Variants in DOP1B observed in about 807,000 individuals in gnomAD.
DOP1B encodes the protein DOP1 leucine zipper like protein B, also known as protein DOP1B.
A neutral mutation model predicts 233.5 loss-of-function variants in DOP1B; 174 were observed. That is an observed-to-expected ratio of 0.75 (90% CI 0.66 to 0.85). DOP1B has a LOEUF of 0.85. Among genes scored for constraint, DOP1B ranks in the 40% least tolerant of loss-of-function variants. DOP1B has a pLI of 0.00. For missense variants in DOP1B, 2,652 were observed against 2,846.6 expected (o/e 0.93, Z 1.56); for synonymous variants, 1,190 against 1,185.6 (o/e 1.00, Z -0.08).
intron 7 of DOP1B, 58 bp from the exon 8 acceptor site, chr21:36,214,023 A>G (rs2066530546): frequency 2.2e-6 from 3 of 1,377,066 alleles, no homozygotes; most frequent in Non-Finnish European, 3.0e-6. Context: ...CTTTTGCACA[A>G]TATGATGTCC....
At chr21:36,179,111 A>G (rs993179561) in intron 2 of DOP1B, among the ~76,000 whole-genome samples, 1 of 152,232 alleles carries the variant, frequency 6.6e-6, no homozygotes. Flanking sequence ...CAGCAAAGCT[A>G]CTTCGAGAGT....
At chr21:36,265,455 C>T (rs542693897) in intron 26 of DOP1B, among the ~76,000 whole-genome samples, 2 of 152,266 alleles carry the variant, frequency 1.3e-5, no homozygotes, top group South Asian at 4.1e-4. Context: ...ATTCCAGTGC[C>T]TCCTCCTTTG....
chr21:36,189,429 A>T (rs2066204812), intron 2 of DOP1B, among the ~76,000 whole-genome samples: 2 of 152,236 alleles, frequency 1.3e-5, no homozygotes, highest in Non-Finnish European at 2.9e-5. Flanking sequence ...AAATTTTTTT[A>T]GCACTTTAAA....
At position 36,278,241 on chromosome 21, in the gene DOP1B, C is replaced by T. The variant is rs1200254390; in HGVS notation, c.5855C>T (p.Ala1952Val). The change falls in exon 30 of 37, where the codon GCT (alanine) becomes GTT (valine). Residue 1952 changes from alanine (A) to valine (V), a missense_variant. Coordinates refer to ENST00000691173, the MANE Select transcript of DOP1B (RefSeq NM_001320714.2). ...AYNAPSFRAGAQLLSSLSGYA... is the reference protein window; with the variant it reads ...AYNAPSFRAGVQLLSSLSGYA... ...AATGCTCCCAGCTTCCGGGCTGGCG[C>T]TCAGCTGCTGAGCTCCCTGAGTGGC... is the stretch of plus-strand genomic sequence containing the variant. 1.2e-6 allele frequency: 2 copies of T among 1,614,068 alleles called. No individual in the cohort carries two copies. The highest frequency in any genetic ancestry group is 1.3e-5 in the African/African-American group (1 of 74,944).
At chr21:36,281,882 C>G (rs1445601405) in intron 32 of DOP1B, among the ~76,000 whole-genome samples, 1 of 152,104 alleles carries the variant, frequency 6.6e-6, no homozygotes, top group Non-Finnish European at 1.5e-5. Context: ...GCCCCACTTC[C>G]CGATAACATT....
chr21:36,253,061 C>T (rs57199973), intron 22 of DOP1B, among the ~76,000 whole-genome samples: 4,239 of 152,260 alleles, frequency 0.028, 189 homozygotes, highest in African/African-American at 0.095. Flanking sequence ...GAGCGCCTGT[C>T]GGCTCCTTCC....
At chr21:36,222,400 G>A (rs1335291862) in intron 10 of DOP1B, among the ~76,000 whole-genome samples, 3 of 151,358 alleles carry the variant, frequency 2.0e-5, no homozygotes, top group Non-Finnish European at 4.4e-5. Context: ...CCAACATCAC[G>A]GTGAAACCCC....
At chr21:36,223,559 T>A (rs1208235972) in intron 11 of DOP1B, among the ~76,000 whole-genome samples, 1 of 152,226 alleles carries the variant, frequency 6.6e-6, no homozygotes, top group Non-Finnish European at 1.5e-5. Context: ...GTTCACATAA[T>A]CTTTGCCATG....
chr21:36,253,370 C>A (rs146101920), intron 22 of DOP1B, among the ~76,000 whole-genome samples: 2 of 152,158 alleles, frequency 1.3e-5, no homozygotes, highest in African/African-American at 4.8e-5. Context: ...TTATGTTGTT[C>A]CCCTGGGTGG....
chr21:36,204,233 C>T (rs1331021397), intron 4 of DOP1B, among the ~76,000 whole-genome samples: 1 of 152,166 alleles, frequency 6.6e-6, no homozygotes, highest in Non-Finnish European at 1.5e-5. Context: ...AAAGACTTAC[C>T]TGGTCCCAGA....
chr21:36,288,021 G>A lies in DOP1B; in HGVS notation c.6168G>A (p.Leu2056=). Residue 2056 remains leucine (L), a synonymous_variant, in exon 33 of 37, where the codon CTG becomes CTA. Transcript: ENST00000691173. ...ACAATCTTCTTTCCTTAGAACGCCT[G>A]ACAGACAATCTCAGAGTTGGACAGA... The part of the protein sequence containing the change: ...HLYLPLIQER[L]TDNLRVGQTS... The A allele has an allele frequency of 6.2e-7, 1 of 1,613,166 alleles. No individual in the cohort carries two copies. The highest frequency in any genetic ancestry group is 8.5e-7 in the Non-Finnish European group (1 of 1,179,852).
chr21:36,281,677 A>G (rs1472974331), intron 32 of DOP1B, 66 bp downstream of exon 32: 1 of 1,363,480 alleles, frequency 7.3e-7, no homozygotes, highest in Non-Finnish European at 9.8e-7. Flanking sequence ...GGGAATTTAT[A>G]AAAACAGAAA....
At chr21:36,285,087 T>A (rs926922345) in intron 32 of DOP1B, among the ~76,000 whole-genome samples, 2 of 151,814 alleles carry the variant, frequency 1.3e-5, no homozygotes, top group Non-Finnish European at 2.9e-5. Context: ...GGGAACGGAG[T>A]CTCACTCTGT....
At chr21:36,184,433 C>T (rs2066139245) in intron 2 of DOP1B, among the ~76,000 whole-genome samples, 1 of 152,162 alleles carries the variant, frequency 6.6e-6, no homozygotes, top group African/African-American at 2.4e-5. Flanking sequence ...ATCCACCCAC[C>T]TCGGCCTCCC....
intron 20 of DOP1B, 60 bp downstream of exon 20, chr21:36,247,688 T>TATG: frequency 7.9e-7 from 1 of 1,264,556 alleles, no homozygotes; most frequent in Non-Finnish European, 1.1e-6. Context: ...GTCTTTGGGC[T>TATG]ATGACTGTTT....
chr21:36,176,573 G>A (rs1447342230), intron 2 of DOP1B, among the ~76,000 whole-genome samples: 1 of 152,122 alleles, frequency 6.6e-6, no homozygotes, highest in African/African-American at 2.4e-5. Flanking sequence ...GGGTGGAGGT[G>A]GCCAGGTAAG....
chr21:36,261,839 A>T lies in DOP1B; in HGVS notation c.5315+1107A>T, dbSNP rs2067175564. On this transcript the variant is annotated intron_variant, in intron 24 of 36. Transcript: ENST00000691173. ...GGCAGGTGAATCACTTGAACCCAGG[A>T]GGCAGAGGTTGCAGTGAGCTGAGAT... 7.4e-6 allele frequency: 4 copies of T among 540,782 alleles called. No homozygotes were observed. The South Asian group carries it at 2.5e-4, about 33-fold the overall frequency. 33.5% of individuals were successfully genotyped at this position (540,782 alleles called of 1,614,324 possible).
chr21:36,176,108 G>A (rs987646101), intron 2 of DOP1B, among the ~76,000 whole-genome samples: 10 of 151,916 alleles, frequency 6.6e-5, no homozygotes, highest in Non-Finnish European at 8.8e-5. Flanking sequence ...GTGTGTGTGT[G>A]TGTGTGTGTG....
chr21:36,168,716 A>G (rs999945215), intron 2 of DOP1B, among the ~76,000 whole-genome samples: 8 of 151,732 alleles, frequency 5.3e-5, no homozygotes, highest in African/African-American at 1.9e-4. Flanking sequence ...ACTTTTTAAT[A>G]CAGATGGGGT....
Sources: gnomAD v4.1 joint callset for allele counts (sites outside exome capture counted in the v4.1 genomes callset) on GRCh38, gnomAD v4.1.1 for gene constraint, MANE v1.5 for transcripts, NCBI Gene and HGNC (gene_info 2026-07-23, HGNC 2026-07-21) for gene names.